The following PIP5K1B variants were observed in gnomAD, a reference collection of about 807,000 sequenced individuals.
PIP5K1B encodes the protein phosphatidylinositol-4-phosphate 5-kinase type 1 beta.
PIP5K1B carries 42 observed loss-of-function variants against 67.0 expected under a neutral mutation model. That is an observed-to-expected ratio of 0.63 (90% CI 0.49 to 0.81). PIP5K1B has a LOEUF of 0.81. Ranked by LOEUF, PIP5K1B falls within the 30% of genes least tolerant of loss-of-function variation. PIP5K1B has a pLI of 0.00. For synonymous variants in PIP5K1B, 214 were observed against 231.4 expected, an observed-to-expected ratio of 0.92 and a Z score of 0.68; for missense variants, 459 against 646.3, an observed-to-expected ratio of 0.71 and a Z score of 3.14.
chr9:68,790,839 G>T (rs993274978), intron 2 of PIP5K1B, among the ~76,000 whole-genome samples: 2 of 152,196 alleles, frequency 1.3e-5, no homozygotes, highest in Non-Finnish European at 2.9e-5. Flanking sequence ...GATTTCAAGT[G>T]CTGCCCTAAG....
chr9:68,833,477 G>A (rs759847145), intron 4 of PIP5K1B, among the ~76,000 whole-genome samples: 7 of 152,190 alleles, frequency 4.6e-5, no homozygotes, highest in Non-Finnish European at 1.0e-4. Flanking sequence ...TCCCAATGGG[G>A]GCAGATTTGT....
intron 14 of PIP5K1B, among the ~76,000 whole-genome samples, chr9:68,985,106 G>A (rs563014165): frequency 2.6e-4 from 39 of 152,290 alleles, no homozygotes; most frequent in Non-Finnish European, 4.6e-4. Context: ...GGACATGCTC[G>A]GTCTAAGGAA....
At chr9:68,946,030 T>G (rs1181396473) in intron 14 of PIP5K1B, among the ~76,000 whole-genome samples, 1 of 152,240 alleles carries the variant, frequency 6.6e-6, no homozygotes. Context: ...AGTTGTTATT[T>G]CCAACTCTCC....
chr9:68,790,599 C>T (rs1204289031), intron 2 of PIP5K1B, among the ~76,000 whole-genome samples: 5 of 151,982 alleles, frequency 3.3e-5, no homozygotes, highest in African/African-American at 4.8e-5. Flanking sequence ...TGAGCGCGCA[C>T]ACACACACAC....
At chr9:68,822,381 G>T (rs1833771958) in intron 3 of PIP5K1B, 1 of 400,736 alleles carries the variant, frequency 2.5e-6, no homozygotes. Context: ...TGCTTTCTTA[G>T]AGCATATGGG....
At chr9:68,748,077 ATCT>A (rs1404274807) in intron 2 of PIP5K1B, among the ~76,000 whole-genome samples, 48 of 152,282 alleles carry the variant, frequency 3.2e-4, no homozygotes, top group East Asian at 2.5e-3. Flanking sequence ...GTAACCCCTA[ATCT>A]GCTTTCTGTT....
chr9:68,728,677 G>A (rs1828267692), intron 1 of PIP5K1B: 1 of 152,172 alleles, frequency 6.6e-6, no homozygotes, highest in Non-Finnish European at 1.5e-5. Flanking sequence ...AATGGCCAAA[G>A]CTGAGAGAAG....
intron 2 of PIP5K1B, among the ~76,000 whole-genome samples, chr9:68,814,783 T>TG: frequency 6.6e-6 from 1 of 152,166 alleles, no homozygotes; most frequent in African/African-American, 2.4e-5. Flanking sequence ...TCATGCCACT[T>TG]CACTCCAGCC....
intron 14 of PIP5K1B, among the ~76,000 whole-genome samples, chr9:68,942,763 AT>A (rs1170449300): frequency 6.6e-6 from 1 of 152,214 alleles, no homozygotes; most frequent in Non-Finnish European, 1.5e-5. Context: ...AAACAAGTGC[AT>A]TGTTTTAATC....
chr9:68,896,685 G>A (rs1825102616), intron 8 of PIP5K1B, among the ~76,000 whole-genome samples: 1 of 152,220 alleles, frequency 6.6e-6, no homozygotes, highest in African/African-American at 2.4e-5. Flanking sequence ...ATGCTGAGCT[G>A]TAGGGGAACT....
chr9:68,879,705 A>G (rs952819767), intron 6 of PIP5K1B, among the ~76,000 whole-genome samples: 1 of 152,234 alleles, frequency 6.6e-6, no homozygotes, highest in African/African-American at 2.4e-5. Flanking sequence ...TAGATTTTAA[A>G]GATAAATGCT....
intron 14 of PIP5K1B, among the ~76,000 whole-genome samples, chr9:68,968,285 C>A (rs1388937305): frequency 6.6e-6 from 1 of 152,066 alleles, no homozygotes; most frequent in East Asian, 1.9e-4. Context: ...TTTGGGAGGC[C>A]GAGGCAGGTG....
intron 2 of PIP5K1B, chr9:68,780,010 A>C (rs1022619762): frequency 4.0e-6 from 4 of 1,010,308 alleles, no homozygotes; most frequent in Non-Finnish European, 5.3e-6. Context: ...GAGTACGGAC[A>C]TCGCGAGCGC....
chr9:68,856,776 T>C (rs959996279), intron 4 of PIP5K1B, among the ~76,000 whole-genome samples: 2 of 152,180 alleles, frequency 1.3e-5, no homozygotes, highest in African/African-American at 4.8e-5. Context: ...GAACCTCTTC[T>C]CTCTGCTGGG....
At chr9:68,832,226 A>G (rs1255912410) in intron 4 of PIP5K1B, among the ~76,000 whole-genome samples, 3 of 152,252 alleles carry the variant, frequency 2.0e-5, no homozygotes, top group African/African-American at 7.2e-5. Flanking sequence ...CTCAAAATTG[A>G]CAGTAAAGGA....
chr9:68,830,767 C>T (rs1394594715), intron 4 of PIP5K1B, among the ~76,000 whole-genome samples: 2 of 152,202 alleles, frequency 1.3e-5, no homozygotes, highest in Non-Finnish European at 2.9e-5. Context: ...TTACTGCAGC[C>T]AGTGGGGCCG....
chr9:68,714,914 C>G (rs1236629011), intron 1 of PIP5K1B, among the ~76,000 whole-genome samples: 3 of 152,218 alleles, frequency 2.0e-5, no homozygotes, highest in Non-Finnish European at 4.4e-5. Flanking sequence ...AAAGACTGCT[C>G]TACTTCCACA....
intron 15 of PIP5K1B, among the ~76,000 whole-genome samples, chr9:69,005,328 T>C (rs1053348346): frequency 2.0e-5 from 3 of 152,230 alleles, no homozygotes; most frequent in Admixed American, 6.5e-5. Context: ...GTTGCATAAG[T>C]CACCAACTGT....
chr9:68,976,644 G>A (rs568500619), intron 14 of PIP5K1B, among the ~76,000 whole-genome samples: 17 of 152,270 alleles, frequency 1.1e-4, no homozygotes, highest in South Asian at 4.1e-4. Context: ...TGGATTGGAC[G>A]GCAGAGTAGG....
Sources: allele counts gnomAD v4.1 joint callset (sites outside exome capture counted in the v4.1 genomes callset), GRCh38; gene constraint gnomAD v4.1.1; transcripts MANE v1.5; gene names NCBI Gene and HGNC (gene_info 2026-07-23, HGNC 2026-07-21).